The following CCL5 variants were observed in gnomAD, a reference collection of about 807,000 sequenced individuals.
The protein encoded by CCL5 is C-C motif chemokine 5.
Under a neutral mutation model 9.0 loss-of-function variants are expected in CCL5, and 5 were observed. The observed-to-expected ratio is 0.55, with a 90% CI of 0.29 to 1.16. The LOEUF (loss-of-function observed/expected upper bound fraction) is 1.16. Among genes scored for constraint, CCL5 ranks in the 50% most tolerant of loss-of-function variants. The pLI is 0.08. For synonymous variants in CCL5, 66 were observed against 72.0 expected, an observed-to-expected ratio of 0.92 and a Z score of 0.42; for missense variants, 183 against 183.2, an observed-to-expected ratio of 1.00 and a Z score of 0.01.
chr17:35,872,726 G>A (rs2088387841), intron 3 of CCL5, among the ~76,000 whole-genome samples: 1 of 152,138 alleles, frequency 6.6e-6, no homozygotes, highest in South Asian at 2.1e-4. Flanking sequence ...GAAAAGCTAA[G>A]AGGATACGGA....
chr17:35,879,064 G>A (rs887978704), intron 1 of CCL5, among the ~76,000 whole-genome samples: 17 of 152,226 alleles, frequency 1.1e-4, no homozygotes, highest in African/African-American at 4.1e-4. Context: ...GATGCATATT[G>A]TATCTTGGGA....
intron 3 of CCL5, among the ~76,000 whole-genome samples, chr17:35,875,089 G>A (rs1371251275): frequency 2.0e-5 from 3 of 149,940 alleles, no homozygotes; most frequent in African/African-American, 7.4e-5. Context: ...TCCCAAATAT[G>A]TTCTGATGTG....
Position 35,872,249 on chromosome 17 carries a change from G to C in CCL5, c.*21C>G. ...GGGGAAGGTTTTTGTAACTGCTGCT[G>C]TGTGGTAGAATCTGGGCCCTTCAAG... On this transcript the variant is annotated 3_prime_UTR_variant, in exon 4 of 4. Transcript: ENST00000651122. 6.7e-7 allele frequency: 1 copy of C among 1,497,664 alleles called. No individual in the cohort carries two copies. The highest frequency in any genetic ancestry group is 1.3e-5 in the South Asian group (1 of 75,488). The allele number at this position is 1,497,664 out of a possible 1,614,324, so 92.8% of individuals were successfully genotyped here.
chr17:35,871,741 GC>G lies in CCL5; in HGVS notation c.*528del, dbSNP rs1357830555. On this transcript the variant is annotated 3_prime_UTR_variant, in exon 4 of 4. Transcript: ENST00000651122. ...GCTCTTCTAGGCTTTAGTTGGGGAA[GC>G]TTTTTGTTGTTGTTGTTGTGACGGA... is the stretch of plus-strand genomic sequence containing the variant. The G allele has an allele frequency of 6.6e-6, 1 of 152,114 alleles. No individual in the cohort carries two copies. The highest frequency in any genetic ancestry group is 1.5e-5 in the Non-Finnish European group (1 of 68,056). 9.4% of individuals were successfully genotyped at this position (152,114 alleles called of 1,614,324 possible). A position where few individuals can be genotyped will look rare whatever the true frequency, so the allele number is the denominator to read the frequency against.
chr17:35,873,138 C>G (rs2088395300), intron 3 of CCL5, among the ~76,000 whole-genome samples: 1 of 151,750 alleles, frequency 6.6e-6, no homozygotes, highest in Non-Finnish European at 1.5e-5. Context: ...GATCCACCCA[C>G]CTTGGCCTCC....
chr17:35,875,800 C>G (rs1184293014), intron 2 of CCL5, among the ~76,000 whole-genome samples: 3 of 152,156 alleles, frequency 2.0e-5, no homozygotes, highest in Admixed American at 2.0e-4. Context: ...CCTCTGCTTG[C>G]CTGACTTCCT....
rs947716151 is a variant in CCL5, at chr17:35,873,280, C to T, written c.271-816G>A. 2.0e-5 allele frequency among the ~76,000 whole-genome samples: 3 copies of T among 151,978 alleles called. No individual in the cohort carries two copies. The South Asian group carries it at 6.2e-4, about 32-fold the overall frequency. ...TCAGCTCACTGCAAGTTCCACCTCC[C>T]GGGTTCACGCCATTCTCCTGCTTCA... On this transcript the variant is annotated intron_variant, in intron 3 of 3. Coordinates refer to ENST00000651122, the MANE Select transcript of CCL5 (RefSeq NM_001278736.2).
At chr17:35,875,520 G>A in intron 3 of CCL5, 1 of 845,946 alleles carries the variant, frequency 1.2e-6, no homozygotes, top group Middle Eastern at 6.1e-4. Flanking sequence ...TCTAGAGTTT[G>A]TGTTCTTATT....
chr17:35,876,469 C>T (rs2088442370), intron 2 of CCL5, among the ~76,000 whole-genome samples: 1 of 152,192 alleles, frequency 6.6e-6, no homozygotes, highest in Non-Finnish European at 1.5e-5. Context: ...GAGGTGGAAA[C>T]CTCAGTGTCA....
In CCL5 at chr17:35,878,581, G is replaced by C; in HGVS notation, c.135C>G (p.Ala45=). ...TGGTGTAGAAATACTCCTTGATGTG[G>C]GCACGGGGCAGTGGGCGGGCAATGT... Residue 45 remains alanine, a synonymous_variant, in exon 2 of 4, where the codon GCC becomes GCG. Transcript: ENST00000651122. The C allele has an allele frequency of 6.2e-7, 1 of 1,614,064 alleles. No individual in the cohort carries two copies. Among genetic ancestry groups the C allele is most frequent in the Non-Finnish European group, 8.5e-7 (1 of 1,179,982 alleles).
At position 35,872,259 on chromosome 17, in the gene CCL5, A is replaced by G. The variant is rs773079594; in HGVS notation, c.*11T>C. On this transcript the variant is annotated 3_prime_UTR_variant, in exon 4 of 4. Coordinates refer to ENST00000651122, the MANE Select transcript of CCL5 (RefSeq NM_001278736.2). ...TTTGTAACTGCTGCTGTGTGGTAGAATCTGGGCCCTTCAAGGAGCGGGTGG... is the reference window on the plus strand; with the variant it reads ...TTTGTAACTGCTGCTGTGTGGTAGAGTCTGGGCCCTTCAAGGAGCGGGTGG... The G allele has an allele frequency of 6.5e-7, 1 of 1,531,186 alleles. No individual in the cohort carries two copies. The highest frequency in any genetic ancestry group is 8.8e-7 in the Non-Finnish European group (1 of 1,134,416). The allele number at this position is 1,531,186 out of a possible 1,614,324, so 94.8% of individuals were successfully genotyped here.
At chr17:35,874,875 G>T (rs2088421769) in intron 3 of CCL5, among the ~76,000 whole-genome samples, 1 of 152,120 alleles carries the variant, frequency 6.6e-6, no homozygotes, top group East Asian at 1.9e-4. Flanking sequence ...GCCTCCCAAA[G>T]TACAGGGATC....
At chr17:35,876,156 G>A (rs1182645748) in intron 2 of CCL5, among the ~76,000 whole-genome samples, 2 of 152,144 alleles carry the variant, frequency 1.3e-5, no homozygotes, top group African/African-American at 2.4e-5. Context: ...TTGGGGTTAC[G>A]AGAGGTTAAT....
At chr17:35,873,393 T>C (rs1024901291) in intron 3 of CCL5, among the ~76,000 whole-genome samples, 2 of 150,528 alleles carry the variant, frequency 1.3e-5, no homozygotes, top group Middle Eastern at 3.5e-3. Context: ...TTCACTGTGT[T>C]AGCCAGGATG....
intron 2 of CCL5, among the ~76,000 whole-genome samples, chr17:35,876,103 G>C (rs2088438333): frequency 1.3e-5 from 2 of 152,152 alleles, no homozygotes; most frequent in Non-Finnish European, 2.9e-5. Context: ...CTGTGACCCA[G>C]TGGGGGAAGT....
chr17:35,874,828 T>C (rs572171759), intron 3 of CCL5, among the ~76,000 whole-genome samples: 7 of 152,178 alleles, frequency 4.6e-5, no homozygotes, highest in Middle Eastern at 6.8e-3. Context: ...GGCCAGGCTG[T>C]TCTTGAACTC....
At chr17:35,873,189 C>CGAGAAGTTCTTAAAAGAACA in intron 3 of CCL5, among the ~76,000 whole-genome samples, 1 of 123,888 alleles carries the variant, frequency 8.1e-6, no homozygotes, top group South Asian at 2.7e-4. Flanking sequence ...GGCGCCTGGC[C>CGAGAAGTTCTTAAAAGAACA]TCTTTTTTTT....
At position 35,872,400 on chromosome 17, in the gene CCL5, T is replaced by A; in HGVS notation, c.335A>T (p.His112Leu). The change falls in exon 4 of 4, where the codon CAT becomes CTT. Residue 112 changes from histidine to leucine, a missense_variant. Physicochemically the swap from His to Leu is moderately conservative, Grantham distance 99. Transcript: ENST00000651122. Reference sequence around the variant, plus strand: ...TCCTAGCTCATCTCCAAAGAGTTGATGTACTCCCGAACCCATTTCTTCTCT... The same window carrying A: ...TCCTAGCTCATCTCCAAAGAGTTGAAGTACTCCCGAACCCATTTCTTCTCT... 2 of 1,613,928 alleles carry A rather than the reference T, an allele frequency of 1.2e-6. No homozygotes were observed. The highest frequency in any genetic ancestry group is 1.7e-6 in the Non-Finnish European group (2 of 1,179,976).
Position 35,878,532 on chromosome 17 carries a change from C to G in CCL5, c.184G>C (p.Val62Leu), listed in dbSNP as rs1167270050. ...CTCCATGGGGCTGAGACTCACACGACTGCTGGGTTGGAGCACTTGCCACTG... is the reference window on the plus strand; with the variant it reads ...CTCCATGGGGCTGAGACTCACACGAGTGCTGGGTTGGAGCACTTGCCACTG... The change falls in exon 2 of 4, where the codon GTC becomes CTC. Residue 62 changes from valine to leucine, a missense_variant. By Grantham distance (32) the Val-to-Leu change is conservative. Coordinates refer to ENST00000651122, the MANE Select transcript of CCL5 (RefSeq NM_001278736.2). 1.2e-6 allele frequency: 2 copies of G among 1,611,782 alleles called. No individual in the cohort carries two copies. Among genetic ancestry groups the G allele is most frequent in the Non-Finnish European group, 1.7e-6 (2 of 1,178,058 alleles).
Sources: gnomAD v4.1 joint callset for allele counts (sites outside exome capture counted in the v4.1 genomes callset) on GRCh38, gnomAD v4.1.1 for gene constraint, MANE v1.5 for transcripts, NCBI Gene and HGNC (gene_info 2026-07-23, HGNC 2026-07-21) for gene names.